COQ10B: variants seen among roughly 807,000 people sequenced by gnomAD.
COQ10B encodes the protein coenzyme Q-binding protein COQ10 homolog B, mitochondrial.
A neutral mutation model predicts 27.6 loss-of-function variants in COQ10B; 12 were observed. The ratio of observed to expected loss-of-function variants is 0.43; its 90% confidence interval spans 0.28 to 0.70. The LOEUF is 0.70. Ranked by LOEUF, COQ10B falls within the 30% of genes least tolerant of loss-of-function variation. The pLI, the probability that COQ10B is intolerant of heterozygous loss-of-function variation, is 0.17. For synonymous variants in COQ10B, 115 were observed against 103.0 expected, an observed-to-expected ratio of 1.12 and a Z score of -0.71; for missense variants, 278 against 288.7, an observed-to-expected ratio of 0.96 and a Z score of 0.27.
At chr2:197,471,836 A>C (rs1436641727) in intron 4 of COQ10B, among the ~76,000 whole-genome samples, 2 of 151,888 alleles carry the variant, frequency 1.3e-5, no homozygotes, top group Non-Finnish European at 2.9e-5. Flanking sequence ...TAGCTACTTG[A>C]AAGGCTGAAC....
rs904324170 is a variant in COQ10B at position 197,466,767 on chromosome 2, G to A, written c.448-3303G>A. ...AGCTTAAGGAGATTAAGAACCTTGG[G>A]CAAATTCACACTTGCATGTGTCTGA... On this transcript the variant is annotated intron_variant, in intron 3 of 4. Coordinates refer to ENST00000263960, the MANE Select transcript of COQ10B (RefSeq NM_025147.5). Among the ~76,000 whole-genome samples the A allele has an allele frequency of 1.2e-4, 18 of 151,738 alleles. No individual in the cohort carries two copies. The East Asian group carries it at 3.3e-3, about 28-fold the overall frequency.
rs189331936 is a variant in COQ10B, at chr2:197,457,678, A to G, written c.105-2254A>G. Among the ~76,000 whole-genome samples the G allele has an allele frequency of 5.3e-4, 79 of 149,342 alleles. 1 individual carries two copies. In the East Asian group the frequency reaches 0.012, roughly 22 times the overall value. ...GCTCTGTTGCCCAGGCTGGAGTGCAATGGTGCCGTCTCGGCTCACTGCAAC... is the reference window on the plus strand; with the variant it reads ...GCTCTGTTGCCCAGGCTGGAGTGCAGTGGTGCCGTCTCGGCTCACTGCAAC... On this transcript the variant is annotated intron_variant, in intron 1 of 4. Transcript: ENST00000263960.
intron 2 of COQ10B, 125 bp downstream of exon 2, chr2:197,460,206 T>TTTTA: frequency 1.6e-6 from 1 of 628,216 alleles, no homozygotes. Flanking sequence ...AGGTTGGCCT[T>TTTTA]TTTCTTTTTT....
intron 3 of COQ10B, among the ~76,000 whole-genome samples, chr2:197,463,248 C>T (rs570465155): frequency 4.6e-5 from 7 of 151,124 alleles, no homozygotes; most frequent in Admixed American, 1.3e-4. Flanking sequence ...CCAAGGCGAG[C>T]GGATTACGAG....
chr2:197,466,222 C>T (rs1261835774), intron 3 of COQ10B, among the ~76,000 whole-genome samples: 2 of 152,168 alleles, frequency 1.3e-5, no homozygotes, highest in African/African-American at 4.8e-5. Flanking sequence ...CAGCTAATAC[C>T]GAATGTCTTA....
intron 1 of COQ10B, chr2:197,453,954 T>C (rs1343053137): frequency 3.2e-6 from 5 of 1,550,300 alleles, no homozygotes; most frequent in Middle Eastern, 1.7e-4. Flanking sequence ...TCTTCCGGTC[T>C]CCTCCCCTAT....
At chr2:197,464,089 A>G (rs2085798613) in intron 3 of COQ10B, among the ~76,000 whole-genome samples, 1 of 145,478 alleles carries the variant, frequency 6.9e-6, no homozygotes, top group South Asian at 2.1e-4. Context: ...ACATATATAT[A>G]TATACATATA....
chr2:197,467,926 G>T (rs1313446426), intron 3 of COQ10B, among the ~76,000 whole-genome samples: 1 of 152,148 alleles, frequency 6.6e-6, no homozygotes, highest in Non-Finnish European at 1.5e-5. Context: ...CTTCATGATA[G>T]AAACATTTTG....
In COQ10B at chr2:197,474,759, A is replaced by C. The variant is rs2085931971; in HGVS notation, c.*835A>C. ...TATTTTAAAAATTGTTCTTATGACT[A>C]GTAGATAAATTCATTGCCATAATGA... On this transcript the variant is annotated 3_prime_UTR_variant, in exon 5 of 5. Transcript: ENST00000263960. The C allele has an allele frequency of 6.6e-6, 1 of 152,134 alleles. No homozygotes were observed. Among genetic ancestry groups the C allele is most frequent in the Non-Finnish European group, 1.5e-5 (1 of 68,004 alleles). 9.4% of individuals were successfully genotyped at this position (152,134 alleles called of 1,614,324 possible). A position where few individuals can be genotyped will look rare whatever the true frequency, so the allele number is the denominator to read the frequency against.
chr2:197,474,089 A>G lies in COQ10B; in HGVS notation c.*165A>G, dbSNP rs1345026320. 7.3e-6 allele frequency: 3 copies of G among 412,284 alleles called. No individual in the cohort carries two copies. Among genetic ancestry groups the G allele is most frequent in the Non-Finnish European group, 1.3e-5 (3 of 236,386 alleles). 25.5% of individuals were successfully genotyped at this position (412,284 alleles called of 1,614,324 possible). A position where few individuals can be genotyped will look rare whatever the true frequency, so the allele number is the denominator to read the frequency against. On this transcript the variant is annotated 3_prime_UTR_variant, in exon 5 of 5. Coordinates refer to ENST00000263960, the MANE Select transcript of COQ10B (RefSeq NM_025147.5). ...GCACATAGAATATAGACTCACTTGT[A>G]CATAGAATTATTTCTTCAAGTATAA...
At chr2:197,460,759 A>C (rs2085749076) in intron 2 of COQ10B, among the ~76,000 whole-genome samples, 1 of 152,248 alleles carries the variant, frequency 6.6e-6, no homozygotes. Flanking sequence ...AGGGACAGAT[A>C]GTAACTATAT....
chr2:197,467,952 A>G (rs762548998), intron 3 of COQ10B, among the ~76,000 whole-genome samples: 19 of 152,204 alleles, frequency 1.2e-4, no homozygotes, highest in Non-Finnish European at 2.4e-4. Context: ...ATTAGTTTAT[A>G]TAATGGTCTA....
intron 2 of COQ10B, among the ~76,000 whole-genome samples, chr2:197,461,458 C>T (rs1291894222): frequency 2.6e-5 from 4 of 152,082 alleles, no homozygotes; most frequent in Non-Finnish European, 4.4e-5. Flanking sequence ...TTCCTAGCAA[C>T]AGCACCACGT....
At position 197,473,555 on chromosome 2, in the gene COQ10B, A is replaced by T. The variant is rs2085915720; in HGVS notation, c.550-202A>T. On this transcript the variant is annotated intron_variant, in intron 4 of 4. Coordinates refer to ENST00000263960, the MANE Select transcript of COQ10B (RefSeq NM_025147.5). Reference sequence around the variant, plus strand: ...ACACAAATTAGCCACATGTGGTGGCATATGCCTGTAGTACCAGCTACTTGG... The same window carrying T: ...ACACAAATTAGCCACATGTGGTGGCTTATGCCTGTAGTACCAGCTACTTGG... 2.7e-5 allele frequency among the ~76,000 whole-genome samples: 4 copies of T among 146,690 alleles called. No individual in the cohort carries two copies. The South Asian group carries it at 8.5e-4, about 31-fold the overall frequency.
chr2:197,471,368 C>T, intron 4 of COQ10B, among the ~76,000 whole-genome samples: 1 of 152,040 alleles, frequency 6.6e-6, no homozygotes, highest in African/African-American at 2.4e-5. Flanking sequence ...TCTCGAACTT[C>T]TGGGCTCAGG....
chr2:197,460,077 T>G lies in COQ10B; in HGVS notation c.250T>G (p.Leu84Val). ...GAAAGAATATTCAGAGAGAAGAATT[T>G]TAGGGTTCGTATATGATAAGAATTC... ...KRKEYSERRI[L>V]GYSMQEMYDV... The change falls in exon 2 of 5, where the codon TTA becomes GTA. Residue 84 changes from leucine (L) to valine (V), a missense_variant. Around this residue, in one of 3 missense-constraint regions of COQ10B, gnomAD observed 183 missense variants for 158.2 expected, o/e 1.16. Transcript: ENST00000263960. 1 of 1,603,852 alleles carries G rather than the reference T, an allele frequency of 6.2e-7. No individual in the cohort carries two copies.
chr2:197,456,211 A>T (rs1036568882), intron 1 of COQ10B, among the ~76,000 whole-genome samples: 1 of 152,156 alleles, frequency 6.6e-6, no homozygotes, highest in Non-Finnish European at 1.5e-5. Context: ...TATGCCTGTA[A>T]TCCCAGCACT....
chr2:197,453,793 CT>C, intron 1 of COQ10B, 129 bp downstream of exon 1: 96 of 1,027,940 alleles, frequency 9.3e-5, no homozygotes, highest in Non-Finnish European at 1.2e-4. Flanking sequence ...GAGGAGAAGG[CT>C]TTTTTTTGCG....
At chr2:197,471,475 A>G (rs1345269007) in intron 4 of COQ10B, among the ~76,000 whole-genome samples, 2 of 152,162 alleles carry the variant, frequency 1.3e-5, no homozygotes, top group African/African-American at 4.8e-5. Context: ...TCGTAGTTAT[A>G]GAAAACTTAA....
Sources: allele counts gnomAD v4.1 joint callset (sites outside exome capture counted in the v4.1 genomes callset), GRCh38; gene constraint gnomAD v4.1.1; regional missense constraint gnomAD v4.1.1; transcripts MANE v1.5; gene names NCBI Gene and HGNC (gene_info 2026-07-23, HGNC 2026-07-21).